ST6GAL2: variants seen among roughly 807,000 people sequenced by gnomAD.
ST6GAL2 encodes ST6 beta-galactoside alpha-2,6-sialyltransferase 2, also known as beta-galactoside alpha-2,6-sialyltransferase 2.
A neutral mutation model predicts 37.5 loss-of-function variants in ST6GAL2; 24 were observed. The ratio of observed to expected loss-of-function variants is 0.64; its 90% confidence interval spans 0.46 to 0.90. ST6GAL2 has a LOEUF of 0.90. Among genes scored for constraint, ST6GAL2 ranks in the 40% least tolerant of loss-of-function variants. The probability of loss-of-function intolerance (pLI) is 0.00; values close to 1 mark genes in which losing one functional copy is unlikely to be tolerated. For synonymous variants in ST6GAL2, 306 were observed against 295.1 expected (o/e 1.04, Z -0.38); for missense variants, 715 against 712.7 (o/e 1.00, Z -0.04).
In ST6GAL2 at chr2:106,867,308, C is replaced by T. The variant is rs72933044; in HGVS notation, c.-58+18785G>A. The stretch of plus-strand genomic sequence containing the variant: ...ATTCAGCCTTTTATTTTAAACAACA[C>T]GGCTCTTCAGTTTCAGAAAATTTTT... On this transcript the variant is annotated intron_variant, in intron 1 of 5. Coordinates refer to ENST00000409382, the MANE Select transcript of ST6GAL2 (RefSeq NM_001142351.2). Among the ~76,000 whole-genome samples the T allele has an allele frequency of 4.1e-3, 617 of 152,300 alleles. 1 individual carries two copies. The highest frequency in any genetic ancestry group is 0.014 in the African/African-American group (598 of 41,558).
intron 5 of ST6GAL2, among the ~76,000 whole-genome samples, chr2:106,809,805 G>C (rs1558673665): frequency 6.6e-6 from 1 of 152,156 alleles, no homozygotes; most frequent in Non-Finnish European, 1.5e-5. Context: ...CGAGAAAAAT[G>C]ATCAACTATT....
At chr2:106,847,683 C>T (rs1034823205) in intron 1 of ST6GAL2, among the ~76,000 whole-genome samples, 2 of 152,286 alleles carry the variant, frequency 1.3e-5, no homozygotes, top group African/African-American at 4.8e-5. Context: ...CTCTAGGACA[C>T]CCTTCAGGTT....
chr2:106,847,690 G>C (rs1677196801), intron 1 of ST6GAL2, among the ~76,000 whole-genome samples: 1 of 152,158 alleles, frequency 6.6e-6, no homozygotes. Flanking sequence ...ACACCCTTCA[G>C]GTTCGATAAT....
intron 1 of ST6GAL2, 128 bp from the exon 2 acceptor site, chr2:106,844,162 G>C: frequency 1.9e-6 from 1 of 513,178 alleles, no homozygotes; most frequent in Non-Finnish European, 3.4e-6. Context: ...CTAGAAACCA[G>C]AATCATCCAG....
At chr2:106,854,832 A>C (rs986297383) in intron 1 of ST6GAL2, among the ~76,000 whole-genome samples, 3 of 152,006 alleles carry the variant, frequency 2.0e-5, no homozygotes, top group Admixed American at 1.3e-4. Context: ...AAAGTGGCTA[A>C]TGAAGTATTC....
rs1675305164 is a variant in ST6GAL2 at position 106,802,912 on chromosome 2, A to G, written c.*3766T>C. 6.6e-6 allele frequency: 1 copy of G among 152,148 alleles called. No homozygotes were observed. Among genetic ancestry groups the G allele is most frequent in the Admixed American group, 6.5e-5 (1 of 15,286 alleles). The allele number at this position is 152,148 out of a possible 1,614,324, so 9.4% of individuals were successfully genotyped here. A position where few individuals can be genotyped will look rare whatever the true frequency, so the allele number is the denominator to read the frequency against. On this transcript the variant is annotated 3_prime_UTR_variant, in exon 6 of 6. Coordinates refer to ENST00000409382, the MANE Select transcript of ST6GAL2 (RefSeq NM_001142351.2). The stretch of plus-strand genomic sequence containing the variant: ...TACTGTGTGTTGATCTATAAGAAAA[A>G]CTGGAGAGAGAACTTGAATCATGGC...
chr2:106,814,248 C>G (rs1675715758), intron 5 of ST6GAL2, among the ~76,000 whole-genome samples: 1 of 152,140 alleles, frequency 6.6e-6, no homozygotes, highest in Non-Finnish European at 1.5e-5. Context: ...AACTGTGACA[C>G]ATTTGACACG....
chr2:106,856,220 C>A lies in ST6GAL2; in HGVS notation c.-57-12186G>T, dbSNP rs189077754. On this transcript the variant is annotated intron_variant, in intron 1 of 5. Transcript: ENST00000409382. ...GTGTGCCTGCAGGCTGAGCTAAGCA[C>A]TCATGTATTCCATCTTGGCTCCTAA... 5.9e-5 allele frequency among the ~76,000 whole-genome samples: 9 copies of A among 152,338 alleles called. No individual in the cohort carries two copies. The East Asian group carries it at 1.7e-3, about 29-fold the overall frequency.
intron 5 of ST6GAL2, among the ~76,000 whole-genome samples, chr2:106,811,885 C>G (rs945975501): frequency 2.0e-5 from 3 of 152,106 alleles, no homozygotes; most frequent in African/African-American, 7.2e-5. Context: ...AAAATCACCA[C>G]AAGGAAGAAG....
chr2:106,845,568 C>T (rs2104528693), intron 1 of ST6GAL2, among the ~76,000 whole-genome samples: 1 of 152,264 alleles, frequency 6.6e-6, no homozygotes, highest in South Asian at 2.1e-4. Flanking sequence ...TAGGGCATGG[C>T]TGTAATACAA....
intron 1 of ST6GAL2, among the ~76,000 whole-genome samples, chr2:106,869,693 C>T (rs1678181544): frequency 6.6e-6 from 1 of 152,186 alleles, no homozygotes; most frequent in Non-Finnish European, 1.5e-5. Context: ...TTAAGCTCTT[C>T]TCATTAAGTT....
intron 1 of ST6GAL2, among the ~76,000 whole-genome samples, chr2:106,853,381 AG>A (rs555844968): frequency 2.0e-3 from 298 of 152,310 alleles, no homozygotes; most frequent in Non-Finnish European, 3.5e-3. Context: ...CCATGGTTGC[AG>A]GGGTTTTCTA....
At chr2:106,884,934 T>TATATATGTATATATACAC in intron 1 of ST6GAL2, among the ~76,000 whole-genome samples, 2 of 120,460 alleles carry the variant, frequency 1.7e-5, no homozygotes, top group Admixed American at 1.6e-4. Context: ...TATATATATA[T>TATATATGTATATATACAC]ACATACACAC....
At chr2:106,862,989 T>C (rs1573298340) in intron 1 of ST6GAL2, among the ~76,000 whole-genome samples, 1 of 8,000 alleles carries the variant, frequency 1.3e-4, no homozygotes, top group Non-Finnish European at 4.9e-4. Flanking sequence ...TGTAAATGTC[T>C]TTTTTTTTTT....
At position 106,867,678 on chromosome 2, in the gene ST6GAL2, C is replaced by T. The variant is rs138176088; in HGVS notation, c.-58+18415G>A. Among the ~76,000 whole-genome samples, 12 of 152,232 alleles carry T rather than the reference C, an allele frequency of 7.9e-5. No individual in the cohort carries two copies. In the East Asian group the frequency reaches 1.7e-3, roughly 22 times the overall value. ...TTCATGCAGGTCTAATCTTTCAGGG[C>T]ACAGTGTGGTTAGGAACCCACCCCC... On this transcript the variant is annotated intron_variant, in intron 1 of 5. Coordinates refer to ENST00000409382, the MANE Select transcript of ST6GAL2 (RefSeq NM_001142351.2).
intron 5 of ST6GAL2, among the ~76,000 whole-genome samples, chr2:106,828,043 T>G (rs1676272861): frequency 6.6e-6 from 1 of 152,188 alleles, no homozygotes; most frequent in Admixed American, 6.5e-5. Flanking sequence ...CTTCTGAAAC[T>G]TTAAATTCTC....
chr2:106,851,359 A>G (rs1032883653), intron 1 of ST6GAL2, among the ~76,000 whole-genome samples: 15 of 152,220 alleles, frequency 9.9e-5, no homozygotes, highest in Non-Finnish European at 2.9e-5. Flanking sequence ...CAAAGACACG[A>G]GTCACATTTC....
intron 5 of ST6GAL2, among the ~76,000 whole-genome samples, chr2:106,811,963 A>G (rs768929590): frequency 3.9e-5 from 6 of 152,172 alleles, no homozygotes; most frequent in Non-Finnish European, 8.8e-5. Flanking sequence ...GGAGTGGCAC[A>G]GGGACTGAAT....
chr2:106,828,224 G>T (rs2104459871), intron 5 of ST6GAL2, among the ~76,000 whole-genome samples: 1 of 152,070 alleles, frequency 6.6e-6, no homozygotes, highest in African/African-American at 2.4e-5. Context: ...TAAAACTTTT[G>T]CTCTAATCAA....
Sources: gnomAD v4.1 joint callset for allele counts (sites outside exome capture counted in the v4.1 genomes callset) on GRCh38, gnomAD v4.1.1 for gene constraint, MANE v1.5 for transcripts, NCBI Gene and HGNC (gene_info 2026-07-23, HGNC 2026-07-21) for gene names.